NCAM2: variants seen among roughly 807,000 people sequenced by gnomAD.
NCAM2 encodes N-CAM-2.
NCAM2 carries 30 observed loss-of-function variants against 98.1 expected under a neutral mutation model. The observed-to-expected ratio is 0.31, with a 90% CI of 0.23 to 0.41. The LOEUF is 0.41. Ranked by LOEUF, NCAM2 falls within the 10% of genes least tolerant of loss-of-function variation. NCAM2 has a pLI of 1.00. For synonymous variants in NCAM2, 368 were observed against 342.4 expected, an observed-to-expected ratio of 1.07 and a Z score of -0.83; for missense variants, 867 against 1,005.8, an observed-to-expected ratio of 0.86 and a Z score of 1.87.
intron 1 of NCAM2, among the ~76,000 whole-genome samples, chr21:21,080,707 T>A (rs958955636): frequency 1.3e-5 from 2 of 151,316 alleles, no homozygotes; most frequent in East Asian, 3.9e-4. Flanking sequence ...CCCCTAACAT[T>A]TATTACTCTC....
intron 1 of NCAM2, among the ~76,000 whole-genome samples, chr21:21,120,357 A>C (rs1487647814): frequency 2.0e-5 from 3 of 148,430 alleles, no homozygotes; most frequent in African/African-American, 7.7e-5. Flanking sequence ...CTTAAAAAAC[A>C]AATCAAGTGA....
intron 1 of NCAM2, among the ~76,000 whole-genome samples, chr21:21,046,136 G>T (rs1341701371): frequency 6.6e-6 from 1 of 152,144 alleles, no homozygotes; most frequent in Admixed American, 6.5e-5. Flanking sequence ...GAAAAACTCT[G>T]ATCTCTATAG....
chr21:21,382,517 A>ATTTTTT (rs36015235), intron 9 of NCAM2, among the ~76,000 whole-genome samples: 2 of 59,518 alleles, frequency 3.4e-5, no homozygotes, highest in Non-Finnish European at 3.6e-5. Context: ...TATTTCAGGG[A>ATTTTTT]TTTTTTTTTT....
intron 1 of NCAM2, among the ~76,000 whole-genome samples, chr21:21,089,688 C>T (rs1033878573): frequency 1.3e-5 from 2 of 151,882 alleles, no homozygotes; most frequent in African/African-American, 2.4e-5. Flanking sequence ...CCACCTGCCC[C>T]TCCTTCATTG....
chr21:21,406,940 AG>A (rs2076750843), intron 9 of NCAM2, among the ~76,000 whole-genome samples: 1 of 152,168 alleles, frequency 6.6e-6, no homozygotes, highest in South Asian at 2.1e-4. Flanking sequence ...CATAGGCAAA[AG>A]TATCTTTCCA....
intron 15 of NCAM2, among the ~76,000 whole-genome samples, chr21:21,479,149 C>G (rs1169114270): frequency 1.5e-5 from 2 of 135,846 alleles, no homozygotes; most frequent in Non-Finnish European, 1.7e-5. Context: ...TTAACTTAAT[C>G]CGTTTAATTT....
chr21:21,500,605 A>G (rs754370013), intron 15 of NCAM2, among the ~76,000 whole-genome samples: 5 of 151,842 alleles, frequency 3.3e-5, no homozygotes, highest in East Asian at 1.9e-4. Context: ...TTTCAAATAT[A>G]TAAAGATAAA....
intron 1 of NCAM2, among the ~76,000 whole-genome samples, chr21:21,195,477 T>G (rs533629390): frequency 6.6e-6 from 1 of 152,214 alleles, no homozygotes; most frequent in Non-Finnish European, 1.5e-5. Context: ...ATTCTTCTTT[T>G]CAGCATCACT....
chr21:21,273,201 T>C (rs980449056), intron 1 of NCAM2, among the ~76,000 whole-genome samples: 2 of 152,264 alleles, frequency 1.3e-5, no homozygotes, highest in East Asian at 3.9e-4. Context: ...TAAAACAAGA[T>C]TGAAATATCT....
chr21:21,106,165 G>T (rs183278895), intron 1 of NCAM2, among the ~76,000 whole-genome samples: 1,544 of 151,852 alleles, frequency 0.01, 14 homozygotes, highest in Non-Finnish European at 0.012. Context: ...AAACTTAGTT[G>T]GGTGTGGTGG....
intron 1 of NCAM2, among the ~76,000 whole-genome samples, chr21:21,156,850 T>C (rs2067629214): frequency 6.6e-6 from 1 of 152,096 alleles, no homozygotes; most frequent in Non-Finnish European, 1.5e-5. Flanking sequence ...GGAAATATGA[T>C]CCAGGCTTGA....
At chr21:21,072,442 A>C (rs537546654) in intron 1 of NCAM2, among the ~76,000 whole-genome samples, 1 of 152,302 alleles carries the variant, frequency 6.6e-6, no homozygotes, top group Non-Finnish European at 1.5e-5. Flanking sequence ...AAACTTACAA[A>C]ATTTCTAAAG....
chr21:21,273,924 G>A (rs2072623239), intron 1 of NCAM2, among the ~76,000 whole-genome samples: 1 of 152,130 alleles, frequency 6.6e-6, no homozygotes, highest in Non-Finnish European at 1.5e-5. Flanking sequence ...CCAGCACTTT[G>A]GGAGGCTGAG....
intron 5 of NCAM2, among the ~76,000 whole-genome samples, chr21:21,311,091 T>G (rs1267884869): frequency 6.6e-6 from 1 of 152,234 alleles, no homozygotes; most frequent in Non-Finnish European, 1.5e-5. Flanking sequence ...CATTGAAAGT[T>G]TCACAACAAT....
chr21:21,492,493 C>T (rs1163280512), intron 15 of NCAM2, among the ~76,000 whole-genome samples: 1 of 151,860 alleles, frequency 6.6e-6, no homozygotes, highest in Non-Finnish European at 1.5e-5. Context: ...GGTAAGTAAG[C>T]ACACATTAAG....
chr21:21,521,214 T>C (rs1295408497), intron 16 of NCAM2, among the ~76,000 whole-genome samples: 1 of 152,056 alleles, frequency 6.6e-6, no homozygotes. Context: ...TGTGGGAGGA[T>C]CTGAGAAATG....
chr21:21,306,495 AT>A (rs1206759409), intron 5 of NCAM2, among the ~76,000 whole-genome samples: 1 of 152,228 alleles, frequency 6.6e-6, no homozygotes, highest in East Asian at 1.9e-4. Flanking sequence ...CTACCCCAGC[AT>A]TTTTTGCATT....
intron 1 of NCAM2, among the ~76,000 whole-genome samples, chr21:21,149,730 C>CA (rs1350589239): frequency 6.6e-6 from 1 of 152,110 alleles, no homozygotes; most frequent in African/African-American, 2.4e-5. Flanking sequence ...CATGTCCTTA[C>CA]AAAGGACATG....
At chr21:21,344,914 T>C (rs2075146406) in intron 8 of NCAM2, among the ~76,000 whole-genome samples, 1 of 152,098 alleles carries the variant, frequency 6.6e-6, no homozygotes, top group Non-Finnish European at 1.5e-5. Flanking sequence ...TCTCCCAGCT[T>C]TATGCGGTCA....
Sources: allele counts gnomAD v4.1 joint callset (sites outside exome capture counted in the v4.1 genomes callset), GRCh38; gene constraint gnomAD v4.1.1; transcripts MANE v1.5; gene names NCBI Gene and HGNC (gene_info 2026-07-23, HGNC 2026-07-21).